LGI1: variants seen among roughly 807,000 people sequenced by gnomAD.
The protein encoded by LGI1 is leucine rich glioma inactivated 1.
In LGI1, 11 loss-of-function variants were observed where a neutral mutation model predicts 57.7. The observed-to-expected ratio is 0.19, with a 90% CI of 0.12 to 0.32. The LOEUF (loss-of-function observed/expected upper bound fraction) is 0.32. LGI1 is among the 10% of genes least tolerant of loss of function. The pLI, the probability that LGI1 is intolerant of heterozygous loss-of-function variation, is 1.00. For missense variants in LGI1, 422 were observed against 661.9 expected, an observed-to-expected ratio of 0.64 and a Z score of 3.98; for synonymous variants, 222 against 241.9, an observed-to-expected ratio of 0.92 and a Z score of 0.76.
chr10:93,775,015 G>A (rs2059779201), intron 2 of LGI1, among the ~76,000 whole-genome samples: 1 of 152,142 alleles, frequency 6.6e-6, no homozygotes, highest in Non-Finnish European at 1.5e-5. Context: ...AGCATTGAGA[G>A]ATTATGGTAT....
chr10:93,772,653 C>T (rs375624038), intron 2 of LGI1: 1 of 152,046 alleles, frequency 6.6e-6, no homozygotes, highest in East Asian at 1.9e-4. Context: ...ATCATATATG[C>T]ATTATGCTTA....
chr10:93,761,544 A>T (rs2059623584), intron 2 of LGI1, among the ~76,000 whole-genome samples: 1 of 152,162 alleles, frequency 6.6e-6, no homozygotes. Flanking sequence ...AAAAGCTATG[A>T]TGAGAAGTAC....
intron 2 of LGI1, among the ~76,000 whole-genome samples, chr10:93,761,932 T>C (rs2133979684): frequency 6.6e-6 from 1 of 152,368 alleles, no homozygotes; most frequent in East Asian, 1.9e-4. Flanking sequence ...GAATGCAGTT[T>C]AGGGAAATGT....
chr10:93,793,985 ATTCT>A (rs1362230107), intron 7 of LGI1: 1 of 149,234 alleles, frequency 6.7e-6, no homozygotes, highest in African/African-American at 2.5e-5. Context: ...ATGGAATTTA[ATTCT>A]TTCTTTTCTT....
chr10:93,759,132 C>A, intron 2 of LGI1: 1 of 397,348 alleles, frequency 2.5e-6, no homozygotes, highest in East Asian at 5.8e-5. Flanking sequence ...TCATTTTTAA[C>A]TTGGGAACTT....
chr10:93,779,405 G>A (rs116266462), intron 4 of LGI1, among the ~76,000 whole-genome samples: 5,963 of 136,430 alleles, frequency 0.044, 448 homozygotes, highest in African/African-American at 0.15. Context: ...AAAGAAGGAA[G>A]GAAGGAAGGA....
At chr10:93,782,460 C>G (rs973265897) in intron 4 of LGI1, among the ~76,000 whole-genome samples, 3 of 152,204 alleles carry the variant, frequency 2.0e-5, no homozygotes, top group African/African-American at 7.2e-5. Context: ...ATGTAGTAAG[C>G]ACCACTGTAT....
At position 93,781,628 on chromosome 10, in the gene LGI1, G is replaced by A. The variant is rs141916035; in HGVS notation, c.431+4011G>A. Among the ~76,000 whole-genome samples the A allele has an allele frequency of 3.5e-3, 530 of 152,086 alleles. 1 individual carries two copies. Among genetic ancestry groups the A allele is most frequent in the African/African-American group, 0.012 (514 of 41,484 alleles). ...GGTTTGTATATTTTAGTAATCTTTTGTATATTTGAATTTTTCTGATGAATA... is the reference window on the plus strand; with the variant it reads ...GGTTTGTATATTTTAGTAATCTTTTATATATTTGAATTTTTCTGATGAATA... On this transcript the variant is annotated intron_variant, in intron 4 of 7. Coordinates refer to ENST00000371418, the MANE Select transcript of LGI1 (RefSeq NM_005097.4).
At chr10:93,773,930 T>C (rs2059766252) in intron 2 of LGI1, among the ~76,000 whole-genome samples, 1 of 152,206 alleles carries the variant, frequency 6.6e-6, no homozygotes, top group Admixed American at 6.5e-5. Context: ...AGATCTCTGA[T>C]CTGTGGCTCA....
At chr10:93,785,494 T>G (rs922421482) in intron 4 of LGI1, among the ~76,000 whole-genome samples, 6 of 152,072 alleles carry the variant, frequency 3.9e-5, no homozygotes, top group Non-Finnish European at 7.4e-5. Flanking sequence ...TTCCTAAGAG[T>G]GATGACGTTC....
At chr10:93,790,726 T>A (rs1379266563) in intron 5 of LGI1, 1 of 152,366 alleles carries the variant, frequency 6.6e-6, no homozygotes, top group Non-Finnish European at 1.5e-5. Context: ...TAATTATTTT[T>A]GACCCTTTTT....
Position 93,798,017 on chromosome 10 carries a change from C to A in LGI1, c.*214C>A. On this transcript the variant is annotated 3_prime_UTR_variant, in exon 8 of 8. Coordinates refer to ENST00000371418, the MANE Select transcript of LGI1 (RefSeq NM_005097.4). ...TATAAGACAAAATTTAATTGTGTAA[C>A]TGTTCTTTGCAGTGAAGATGTGTAA... 1 of 593,486 alleles carries A rather than the reference C, an allele frequency of 1.7e-6. No homozygotes were observed. Among genetic ancestry groups the A allele is most frequent in the Non-Finnish European group, 3.0e-6 (1 of 332,718 alleles). The allele number at this position is 593,486 out of a possible 1,614,324, so 36.8% of individuals were successfully genotyped here. A position where few individuals can be genotyped will look rare whatever the true frequency, so the allele number is the denominator to read the frequency against.
intron 2 of LGI1, chr10:93,771,827 T>G (rs1486829552): frequency 6.6e-6 from 1 of 152,002 alleles, no homozygotes; most frequent in Non-Finnish European, 1.5e-5. Context: ...AATACAAAAA[T>G]TAGCCGGCAC....
intron 2 of LGI1, chr10:93,764,571 G>A (rs1392680389): frequency 6.6e-6 from 1 of 152,144 alleles, no homozygotes; most frequent in African/African-American, 2.4e-5. Context: ...CTGGCAATGA[G>A]GCAGACAACA....
Position 93,777,616 on chromosome 10 carries a change from T to C in LGI1, c.430T>C (p.Leu144=), listed in dbSNP as rs764298959. 4.7e-5 allele frequency: 75 copies of C among 1,609,618 alleles called. No individual in the cohort carries two copies. The highest frequency in any genetic ancestry group is 6.4e-5 in the Non-Finnish European group (75 of 1,176,072). Residue 144 remains leucine, a splice_region_variant and synonymous_variant, in exon 4 of 8, where the codon TTG becomes CTG. Coordinates refer to ENST00000371418, the MANE Select transcript of LGI1 (RefSeq NM_005097.4). Reference sequence around the variant, plus strand: ...CCGGGGACTAAAGTCATTAATTCACTTGTAAGTATGAATGTTGCTATTACT... The same window carrying C: ...CCGGGGACTAAAGTCATTAATTCACCTGTAAGTATGAATGTTGCTATTACT... ...TFRGLKSLIH[L]SLANNNLQTL... is the part of the protein sequence containing the mutation.
At chr10:93,779,343 A>G (rs548259798) in intron 4 of LGI1, among the ~76,000 whole-genome samples, 3 of 150,224 alleles carry the variant, frequency 2.0e-5, no homozygotes, top group African/African-American at 7.4e-5. Context: ...GGCTCCATGC[A>G]CAGAACAGGA....
chr10:93,782,447 G>C (rs1204189842), intron 4 of LGI1, among the ~76,000 whole-genome samples: 1 of 152,150 alleles, frequency 6.6e-6, no homozygotes, highest in Non-Finnish European at 1.5e-5. Flanking sequence ...AACAGGGCCT[G>C]GTATGTAGTA....
chr10:93,761,468 T>G (rs2059622678), intron 2 of LGI1, among the ~76,000 whole-genome samples: 1 of 152,206 alleles, frequency 6.6e-6, no homozygotes, highest in South Asian at 2.1e-4. Context: ...ATGTCCTATT[T>G]CCATCATCCA....
intron 2 of LGI1, among the ~76,000 whole-genome samples, chr10:93,766,553 G>A (rs1207985696): frequency 9.3e-6 from 1 of 107,720 alleles, no homozygotes; most frequent in East Asian, 3.0e-4. Flanking sequence ...CCCCCAGGCT[G>A]GAGTGCAGTG....
Sources: allele counts gnomAD v4.1 joint callset (sites outside exome capture counted in the v4.1 genomes callset), GRCh38; gene constraint gnomAD v4.1.1; transcripts MANE v1.5; gene names NCBI Gene and HGNC (gene_info 2026-07-23, HGNC 2026-07-21).